The following TENM2 variants were observed in gnomAD, a reference collection of about 807,000 sequenced individuals.
TENM2 encodes the protein teneurin-2.
Under a neutral mutation model 245.2 loss-of-function variants are expected in TENM2, and 52 were observed. The observed-to-expected ratio is 0.21, with a 90% CI of 0.17 to 0.27. TENM2 has a LOEUF of 0.27. TENM2 is among the 10% of genes least tolerant of loss of function. The probability of loss-of-function intolerance (pLI) is 1.00; values close to 1 mark genes in which losing one functional copy is unlikely to be tolerated. For synonymous variants in TENM2, 1,363 were observed against 1,438.9 expected, an observed-to-expected ratio of 0.95 and a Z score of 1.19; for missense variants, 3,046 against 3,666.8, an observed-to-expected ratio of 0.83 and a Z score of 4.37.
At chr5:166,982,649 C>A in the TENM2 span, among the ~76,000 whole-genome samples, 2 of 152,050 alleles carry the variant, frequency 1.3e-5, no homozygotes, top group African/African-American at 4.8e-5. Flanking sequence ...TTGTGTAAAG[C>A]AACAGTTTTG....
chr5:167,275,956 T>C, the TENM2 span, among the ~76,000 whole-genome samples: 1 of 152,072 alleles, frequency 6.6e-6, no homozygotes, highest in African/African-American at 2.4e-5. Context: ...GGAGATACTG[T>C]GACTAGAATT....
intron 5 of TENM2, among the ~76,000 whole-genome samples, chr5:168,047,218 G>A (rs1788683344): frequency 6.6e-6 from 1 of 152,126 alleles, no homozygotes; most frequent in Non-Finnish European, 1.5e-5. Context: ...CTCCCCCTGA[G>A]ACTGTGAGCA....
At chr5:167,668,568 G>T (rs1755723341) in intron 2 of TENM2, among the ~76,000 whole-genome samples, 1 of 152,144 alleles carries the variant, frequency 6.6e-6, no homozygotes, top group Non-Finnish European at 1.5e-5. Context: ...AGATACCAGT[G>T]CAGCATAAGG....
intron 1 of TENM2, among the ~76,000 whole-genome samples, chr5:167,304,432 C>A (rs555896622): frequency 1.3e-5 from 2 of 152,156 alleles, no homozygotes; most frequent in African/African-American, 4.8e-5. Context: ...TGGGTTAAGA[C>A]GTTTGGCAGC....
At position 168,032,752 on chromosome 5, in the gene TENM2, T is replaced by C. The variant is rs1581114169; in HGVS notation, c.1187-14675T>C. Among the ~76,000 whole-genome samples, 3 of 152,082 alleles carry C rather than the reference T, an allele frequency of 2.0e-5. No individual in the cohort carries two copies. In the East Asian group the frequency reaches 5.8e-4, roughly 29 times the overall value. On this transcript the variant is annotated intron_variant, in intron 5 of 28. Coordinates refer to ENST00000518659, the Ensembl canonical transcript of TENM2. ...CAAGGGAGAGCCTCCCTTCCAGCCT[T>C]TCCTCAGCCGCTGGTGTTTTTCCTT...
intron 2 of TENM2, among the ~76,000 whole-genome samples, chr5:167,428,457 ATGGTATAC>A (rs1022738725): frequency 2.6e-5 from 4 of 152,360 alleles, no homozygotes; most frequent in Admixed American, 2.0e-4. Context: ...GCATTCATTT[ATGGTATAC>A]CTAAAACATG....
At chr5:167,308,228 A>G (rs1360770210) in intron 1 of TENM2, among the ~76,000 whole-genome samples, 1 of 152,208 alleles carries the variant, frequency 6.6e-6, no homozygotes, top group African/African-American at 2.4e-5. Flanking sequence ...AATTTGAAGC[A>G]GGATGACCTA....
intron 2 of TENM2, among the ~76,000 whole-genome samples, chr5:167,802,247 C>G (rs1337868002): frequency 2.0e-5 from 3 of 152,096 alleles, no homozygotes; most frequent in Non-Finnish European, 4.4e-5. Flanking sequence ...CACAAACATT[C>G]AAAATATAGC....
chr5:168,063,102 T>C (rs1034557734), intron 7 of TENM2, among the ~76,000 whole-genome samples: 1 of 152,224 alleles, frequency 6.6e-6, no homozygotes, highest in Non-Finnish European at 1.5e-5. Flanking sequence ...AATCACTGGG[T>C]ACTTTCTGTT....
intron 2 of TENM2, among the ~76,000 whole-genome samples, chr5:167,408,244 G>A (rs1762734026): frequency 6.6e-6 from 1 of 152,128 alleles, no homozygotes; most frequent in South Asian, 2.1e-4. Flanking sequence ...GTAGAAGGAA[G>A]CTTGGAACTG....
chr5:167,357,217 T>C (rs1235915163), intron 1 of TENM2, among the ~76,000 whole-genome samples: 1 of 152,176 alleles, frequency 6.6e-6, no homozygotes, highest in Non-Finnish European at 1.5e-5. Context: ...TTATAACTTA[T>C]ACTTCAGGAA....
intron 2 of TENM2, among the ~76,000 whole-genome samples, chr5:167,704,749 A>T (rs907837580): frequency 7.2e-5 from 11 of 152,332 alleles, no homozygotes; most frequent in African/African-American, 2.6e-4. Flanking sequence ...AGTTGAAAGA[A>T]TCAGCCCTTT....
At chr5:168,180,040 C>T (rs1348554130) in intron 13 of TENM2, among the ~76,000 whole-genome samples, 1 of 152,178 alleles carries the variant, frequency 6.6e-6, no homozygotes, top group African/African-American at 2.4e-5. Context: ...AACTGATATG[C>T]TAGTAGTACC....
chr5:167,581,073 C>T lies in TENM2; in HGVS notation c.502+205600C>T, dbSNP rs185567519. On this transcript the variant is annotated intron_variant, in intron 2 of 28. Transcript: ENST00000518659. ...ACATCAGTTGTGGCTTGGACACTTTCATAATCCTGTGGTTATATCTGGCAC... is the reference window on the plus strand; with the variant it reads ...ACATCAGTTGTGGCTTGGACACTTTTATAATCCTGTGGTTATATCTGGCAC... 2.0e-5 allele frequency among the ~76,000 whole-genome samples: 3 copies of T among 152,264 alleles called. No homozygotes were observed. The East Asian group carries it at 5.8e-4, about 29-fold the overall frequency.
At chr5:167,445,269 G>A (rs1765092284) in intron 2 of TENM2, among the ~76,000 whole-genome samples, 1 of 147,020 alleles carries the variant, frequency 6.8e-6, no homozygotes, top group African/African-American at 2.5e-5. Flanking sequence ...TGTTCATTCC[G>A]AAGATACTTA....
intron 5 of TENM2, among the ~76,000 whole-genome samples, chr5:168,005,286 T>C (rs1024678429): frequency 2.0e-5 from 3 of 152,186 alleles, no homozygotes; most frequent in African/African-American, 7.2e-5. Context: ...CGTGTTTGTA[T>C]GACTAAGGGA....
chr5:166,983,754 G>A, the TENM2 span, among the ~76,000 whole-genome samples: 2 of 152,102 alleles, frequency 1.3e-5, no homozygotes, highest in African/African-American at 2.4e-5. Context: ...GGGGGAAAGA[G>A]AGGGTTTCTT....
intron 5 of TENM2, among the ~76,000 whole-genome samples, chr5:168,004,515 G>GCACA (rs1442487727): frequency 4.4e-3 from 321 of 73,668 alleles, no homozygotes; most frequent in African/African-American, 0.019. Context: ...ATGCGCGCGC[G>GCACA]CGCACACACA....
intron 9 of TENM2, among the ~76,000 whole-genome samples, chr5:168,104,729 G>A (rs1037769549): frequency 6.6e-6 from 1 of 152,130 alleles, no homozygotes; most frequent in Admixed American, 6.5e-5. Context: ...GCATGCGTTT[G>A]CAAGAGCGTT....
Sources: allele counts gnomAD v4.1 joint callset (sites outside exome capture counted in the v4.1 genomes callset), GRCh38; gene constraint gnomAD v4.1.1; transcripts MANE v1.5; gene names NCBI Gene and HGNC (gene_info 2026-07-23, HGNC 2026-07-21).